The following GSTCD variants were observed in gnomAD, a reference collection of about 807,000 sequenced individuals.
GSTCD encodes glutathione S-transferase C-terminal domain containing.
Under a neutral mutation model 68.3 loss-of-function variants are expected in GSTCD, and 44 were observed. The ratio of observed to expected loss-of-function variants is 0.64; its 90% CI spans 0.51 to 0.83. GSTCD has a LOEUF of 0.83. GSTCD is among the 40% of genes least tolerant of loss of function. The pLI, the probability that GSTCD is intolerant of heterozygous loss-of-function variation, is 0.00. For missense variants in GSTCD, 739 were observed against 735.9 expected (o/e 1.00, Z -0.05); for synonymous variants, 273 against 255.2 (o/e 1.07, Z -0.67).
At chr4:105,756,195 G>A (rs930939323) in intron 5 of GSTCD, among the ~76,000 whole-genome samples, 1 of 152,134 alleles carries the variant, frequency 6.6e-6, no homozygotes, top group Non-Finnish European at 1.5e-5. Context: ...ACATGGCTGT[G>A]TTCACCAGTG....
chr4:105,780,079 A>T (rs762249077), intron 5 of GSTCD, among the ~76,000 whole-genome samples: 7 of 152,226 alleles, frequency 4.6e-5, no homozygotes, highest in Non-Finnish European at 7.3e-5. Context: ...CAACAAATAC[A>T]TGTTAATAAT....
chr4:105,765,111 C>G lies in GSTCD; in HGVS notation c.1240+35612C>G, dbSNP rs770419220. Among the ~76,000 whole-genome samples the G allele has an allele frequency of 4.6e-4, 70 of 152,078 alleles. 1 individual carries two copies. The highest frequency in any genetic ancestry group is 3.2e-3 in the Middle Eastern group (1 of 316). ...AAGAGTTTATATTATGAATCTTACCCTCTTAAAAGCATTGCACCTTGGTAT... is the reference window on the plus strand; with the variant it reads ...AAGAGTTTATATTATGAATCTTACCGTCTTAAAAGCATTGCACCTTGGTAT... On this transcript the variant is annotated intron_variant, in intron 5 of 11. Transcript: ENST00000515279.
chr4:105,733,594 A>G (rs533695872), intron 5 of GSTCD, among the ~76,000 whole-genome samples: 1 of 152,286 alleles, frequency 6.6e-6, no homozygotes, highest in East Asian at 1.9e-4. Context: ...TGCACGTCAG[A>G]TGGCTCTCCT....
At chr4:105,764,483 T>A (rs1734532245) in intron 5 of GSTCD, among the ~76,000 whole-genome samples, 1 of 152,198 alleles carries the variant, frequency 6.6e-6, no homozygotes, top group South Asian at 2.1e-4. Flanking sequence ...AATTAAGTTT[T>A]TCACATTTCT....
intron 9 of GSTCD, 129 bp downstream of exon 9, chr4:105,834,723 T>A (rs1724042457): frequency 1.4e-6 from 1 of 729,220 alleles, no homozygotes; most frequent in South Asian, 2.2e-5. Flanking sequence ...CAAATATTGT[T>A]TGTAAATTGT....
At chr4:105,836,073 G>T (rs1256658280) in intron 9 of GSTCD, among the ~76,000 whole-genome samples, 1 of 152,036 alleles carries the variant, frequency 6.6e-6, no homozygotes, top group South Asian at 2.1e-4. Context: ...GAGATCCAGA[G>T]TGGGTAGCTT....
chr4:105,711,268 T>C (rs953906648), intron 1 of GSTCD, among the ~76,000 whole-genome samples: 1 of 129,958 alleles, frequency 7.7e-6, no homozygotes, highest in Admixed American at 7.0e-5. Flanking sequence ...AGTAAGTGTT[T>C]GTGATTTTTC....
intron 8 of GSTCD, among the ~76,000 whole-genome samples, chr4:105,827,897 TATTA>T: frequency 6.6e-6 from 1 of 152,238 alleles, no homozygotes; most frequent in East Asian, 1.9e-4. Context: ...CTTTTTAAAT[TATTA>T]AATTTTATAA....
In GSTCD at chr4:105,729,453, G is replaced by T; in HGVS notation, c.1194G>T (p.Trp398Cys). Residue 398 changes from tryptophan to cysteine, a missense_variant, in exon 5 of 12, where the codon TGG (tryptophan) becomes TGT (cysteine). Trp to Cys is a radical substitution (Grantham distance 215). Transcript: ENST00000515279. ...VMFSPHPCPT[W>C]TLDWNVLPAA... is the part of the protein sequence containing the mutation. Reference sequence around the variant, plus strand: ...TTTCTCCCCACCCTTGCCCTACTTGGACTCTTGATTGGAATGTTCTCCCTG... The same window carrying T: ...TTTCTCCCCACCCTTGCCCTACTTGTACTCTTGATTGGAATGTTCTCCCTG... 6.2e-7 allele frequency: 1 copy of T among 1,612,154 alleles called. No individual in the cohort carries two copies. The highest frequency in any genetic ancestry group is 1.1e-5 in the South Asian group (1 of 90,794).
chr4:105,820,772 A>G (rs2149273422), intron 5 of GSTCD, among the ~76,000 whole-genome samples: 1 of 152,010 alleles, frequency 6.6e-6, no homozygotes, highest in Middle Eastern at 3.4e-3. Context: ...CTTCATTTCT[A>G]CATGTATTTT....
intron 3 of GSTCD, among the ~76,000 whole-genome samples, chr4:105,722,903 A>C (rs911583767): frequency 6.6e-6 from 1 of 151,834 alleles, no homozygotes; most frequent in Admixed American, 6.6e-5. Flanking sequence ...TTCATTAGCA[A>C]CTTCCTTAAA....
intron 5 of GSTCD, among the ~76,000 whole-genome samples, chr4:105,774,808 T>C (rs2149245653): frequency 6.6e-6 from 1 of 152,286 alleles, no homozygotes; most frequent in South Asian, 2.1e-4. Flanking sequence ...TCAACCTTGG[T>C]GAATCTGATG....
At chr4:105,812,025 A>T (rs1480876615) in intron 5 of GSTCD, among the ~76,000 whole-genome samples, 1 of 152,172 alleles carries the variant, frequency 6.6e-6, no homozygotes, top group Non-Finnish European at 1.5e-5. Context: ...CAATTGGAAA[A>T]TCTGATCTAC....
intron 5 of GSTCD, among the ~76,000 whole-genome samples, chr4:105,766,887 C>CTTTTTTTTTGTTTTTTT (rs1734629677): frequency 1.8e-5 from 1 of 57,138 alleles, no homozygotes; most frequent in Non-Finnish European, 3.0e-5. Context: ...GTTTTTGACT[C>CTTTTTTTTTGTTTTTTT]TTTTTTTTTT....
chr4:105,814,085 G>A (rs977435443), intron 5 of GSTCD, among the ~76,000 whole-genome samples: 4 of 152,140 alleles, frequency 2.6e-5, no homozygotes, highest in East Asian at 1.9e-4. Context: ...TTTCAGTTTC[G>A]GAAAAAATGC....
At chr4:105,778,556 A>C (rs906321670) in intron 5 of GSTCD, among the ~76,000 whole-genome samples, 2 of 152,130 alleles carry the variant, frequency 1.3e-5, no homozygotes, top group African/African-American at 2.4e-5. Context: ...AAGGATTATC[A>C]TGCCATTTTT....
At chr4:105,731,414 G>T (rs1322847863) in intron 5 of GSTCD, among the ~76,000 whole-genome samples, 2 of 152,046 alleles carry the variant, frequency 1.3e-5, no homozygotes, top group African/African-American at 4.8e-5. Flanking sequence ...CATTGAGCAG[G>T]AGTTTGTAGT....
intron 5 of GSTCD, among the ~76,000 whole-genome samples, chr4:105,795,395 A>AT (rs150655498): frequency 0.054 from 8,183 of 151,988 alleles, 275 homozygotes; most frequent in Middle Eastern, 0.14. Flanking sequence ...TTTATGAAGT[A>AT]TTTTTTATTT....
chr4:105,758,115 C>T (rs1363405093), intron 5 of GSTCD, among the ~76,000 whole-genome samples: 1 of 152,040 alleles, frequency 6.6e-6, no homozygotes, highest in East Asian at 1.9e-4. Flanking sequence ...CTAATATAAC[C>T]GCTGATTTTT....
Sources: allele counts gnomAD v4.1 joint callset (sites outside exome capture counted in the v4.1 genomes callset), GRCh38; gene constraint gnomAD v4.1.1; transcripts MANE v1.5; gene names NCBI Gene and HGNC (gene_info 2026-07-23, HGNC 2026-07-21).